The following PXK variants were observed in gnomAD, a reference collection of about 807,000 sequenced individuals.
PXK encodes PX domain containing serine/threonine kinase like, also known as PX domain-containing protein kinase-like protein.
In PXK, 35 loss-of-function variants were observed where a neutral mutation model predicts 84.7. That is an observed-to-expected ratio of 0.41 (90% CI 0.32 to 0.55). PXK has a LOEUF of 0.55. Among genes scored for constraint, PXK ranks in the 20% least tolerant of loss-of-function variants. PXK has a pLI of 0.21. For synonymous variants in PXK, 253 were observed against 260.8 expected, an observed-to-expected ratio of 0.97 and a Z score of 0.29; for missense variants, 634 against 699.7, an observed-to-expected ratio of 0.91 and a Z score of 1.06.
intron 1 of PXK, among the ~76,000 whole-genome samples, chr3:58,334,945 GTGTGTGTGTGTGTC>G (rs1172179252): frequency 7.4e-6 from 1 of 134,610 alleles, no homozygotes; most frequent in Non-Finnish European, 1.6e-5. Context: ...GTGTGTGTGT[GTGTGTGTGTGTGTC>G]TGTGTGTGTG....
intron 3 of PXK, among the ~76,000 whole-genome samples, chr3:58,374,874 C>A (rs1258290627): frequency 6.6e-6 from 1 of 151,980 alleles, no homozygotes; most frequent in Non-Finnish European, 1.5e-5. Flanking sequence ...AGTCTGAGTA[C>A]CTTTAGGAAT....
intron 17 of PXK, among the ~76,000 whole-genome samples, chr3:58,418,732 T>G (rs982399451): frequency 1.3e-5 from 2 of 152,276 alleles, no homozygotes; most frequent in African/African-American, 4.8e-5. Context: ...TAATTCTAGC[T>G]GTTCTTGCTT....
rs2098341451 is a variant in PXK, at chr3:58,370,008, A to T, written c.201+530A>T. ...AATAGTCACCTTGCAACCAAGTATT[A>T]TTGTGCCAGACTGTATTCTTACCAC... On this transcript the variant is annotated intron_variant, in intron 3 of 17. Coordinates refer to ENST00000356151, the MANE Select transcript of PXK (RefSeq NM_017771.5). This position sits in a 1 kb window ranked among gnomAD's most constrained non-coding sequence, Gnocchi z 4.2. Among the ~76,000 whole-genome samples, 1 of 152,182 alleles carries T rather than the reference A, an allele frequency of 6.6e-6. No homozygotes were observed. The highest frequency in any genetic ancestry group is 2.1e-4 in the South Asian group (1 of 4,832).
At position 58,391,783 on chromosome 3, in the gene PXK, G is replaced by A. The variant is rs933323195; in HGVS notation, c.551G>A (p.Gly184Asp). The change falls in exon 7 of 18, where the codon GGC becomes GAC. Residue 184 changes from glycine to aspartate, a missense_variant. This residue lies in a region of PXK where 353 missense variants were observed against 385.2 expected (regional missense o/e 0.92). Transcript: ENST00000356151. ...CTTCCATGTTTTCAGGCTGACCTTG[G>A]CCCAGACAAGTATTTGTCAGATAAA... Reference protein sequence around the residue: ...ERLVLSWADLGPDKYLSDKDF... With the variant: ...ERLVLSWADLDPDKYLSDKDF... The A allele has an allele frequency of 6.2e-7, 1 of 1,613,374 alleles. No homozygotes were observed. The highest frequency in any genetic ancestry group is 8.5e-7 in the Non-Finnish European group (1 of 1,179,392).
rs532647659 is a variant in PXK, at chr3:58,375,260, C to T, written c.201+5782C>T. Among the ~76,000 whole-genome samples the T allele has an allele frequency of 2.6e-5, 4 of 152,144 alleles. No homozygotes were observed. In the East Asian group the frequency reaches 7.7e-4, roughly 29 times the overall value. On this transcript the variant is annotated intron_variant, in intron 3 of 17. Coordinates refer to ENST00000356151, the MANE Select transcript of PXK (RefSeq NM_017771.5). ...TATGCGGTAGTGCAGGCAAATCTGT[C>T]GATACTGGGTAATGGTATTTTAAAA... is the stretch of plus-strand genomic sequence containing the variant.
chr3:58,365,209 G>A (rs370984033), intron 1 of PXK, among the ~76,000 whole-genome samples: 62 of 152,000 alleles, frequency 4.1e-4, no homozygotes, highest in African/African-American at 1.4e-3. Flanking sequence ...TTGATATGCT[G>A]TATTTTCTTT....
intron 4 of PXK, among the ~76,000 whole-genome samples, chr3:58,384,690 C>T (rs764374969): frequency 3.9e-5 from 6 of 152,178 alleles, no homozygotes; most frequent in Non-Finnish European, 5.9e-5. Flanking sequence ...TGGTTTATCT[C>T]CCTCATTCCC....
At chr3:58,358,390 G>A (rs2098126354) in intron 1 of PXK, among the ~76,000 whole-genome samples, 2 of 152,214 alleles carry the variant, frequency 1.3e-5, no homozygotes, top group African/African-American at 4.8e-5. Flanking sequence ...CAATGGGTAT[G>A]GGTGGTGCCT....
intron 3 of PXK, among the ~76,000 whole-genome samples, chr3:58,377,201 G>A (rs192140264): frequency 2.0e-5 from 3 of 151,760 alleles, no homozygotes; most frequent in African/African-American, 4.9e-5. Context: ...TGAGAAATTG[G>A]CAATTTAGAA....
intron 7 of PXK, among the ~76,000 whole-genome samples, chr3:58,394,738 A>C (rs11714574): frequency 6.6e-6 from 1 of 151,908 alleles, no homozygotes; most frequent in South Asian, 2.1e-4. Context: ...GGACCCCTTC[A>C]CTTGTGGAGT....
At chr3:58,415,110 A>G (rs1046715269) in intron 17 of PXK, among the ~76,000 whole-genome samples, 1 of 152,202 alleles carries the variant, frequency 6.6e-6, no homozygotes, top group Non-Finnish European at 1.5e-5. Context: ...CACTCAACAC[A>G]ATAATAATCA....
In PXK at chr3:58,385,697, C is replaced by T. The variant is rs892754997; in HGVS notation, c.388+2997C>T. ...CATTGTTTGTAGAGAGGGGGTTTCA[C>T]TATGTTGACTAGGCTGGTCTCAAAC... is the stretch of plus-strand genomic sequence containing the variant. On this transcript the variant is annotated intron_variant, in intron 4 of 17. Transcript: ENST00000356151. The surrounding 1 kb of genome is among the most constrained non-coding windows in gnomAD (Gnocchi z 5.1). 2.0e-5 allele frequency among the ~76,000 whole-genome samples: 3 copies of T among 152,182 alleles called. No individual in the cohort carries two copies. The highest frequency in any genetic ancestry group is 1.3e-4 in the Admixed American group (2 of 15,270).
chr3:58,338,563 C>T (rs2097666437), intron 1 of PXK, among the ~76,000 whole-genome samples: 1 of 151,736 alleles, frequency 6.6e-6, no homozygotes, highest in Non-Finnish European at 1.5e-5. Flanking sequence ...GTGACGGTTG[C>T]AGTGAGCCAA....
chr3:58,353,035 C>T (rs147418915), intron 1 of PXK, among the ~76,000 whole-genome samples: 25 of 151,344 alleles, frequency 1.7e-4, no homozygotes, highest in African/African-American at 6.1e-4. Context: ...CTTGCTCTGT[C>T]ACCCAGGCTG....
chr3:58,352,837 G>T (rs560753802), intron 1 of PXK, among the ~76,000 whole-genome samples: 1 of 152,262 alleles, frequency 6.6e-6, no homozygotes, highest in South Asian at 2.1e-4. Context: ...TAGGGCAGGA[G>T]ACCATCCCAC....
At position 58,412,397 on chromosome 3, in the gene PXK, A is replaced by G. The variant is rs972310834; in HGVS notation, c.1466-504A>G. ...TAAGAAAAGGGCTGTGAAATCCATA[A>G]ACTGAATAGACTGACCCTATCTAGT... On this transcript the variant is annotated intron_variant, in intron 16 of 17. Coordinates refer to ENST00000356151, the MANE Select transcript of PXK (RefSeq NM_017771.5). This position sits in a 1 kb window ranked among gnomAD's most constrained non-coding sequence, Gnocchi z 6.2. Among the ~76,000 whole-genome samples, 1 of 152,128 alleles carries G rather than the reference A, an allele frequency of 6.6e-6. No individual in the cohort carries two copies. The highest frequency in any genetic ancestry group is 1.5e-5 in the Non-Finnish European group (1 of 68,030).
Position 58,391,189 on chromosome 3 carries a change from A to C in PXK, c.509A>C (p.Asn170Thr), listed in dbSNP as rs2098628071. Residue 170 changes from asparagine to threonine, a missense_variant, in exon 6 of 18, where the codon AAT (asparagine) becomes ACT (threonine). By Grantham distance (65) the Asn-to-Thr change is moderately conservative. Coordinates refer to ENST00000356151, the MANE Select transcript of PXK (RefSeq NM_017771.5). Reference sequence around the variant, plus strand: ...AAATATTTCTTGATGAAGATTAAAAATCAGCCAAAGGAACGGCTAGTGTTA... The same window carrying C: ...AAATATTTCTTGATGAAGATTAAAACTCAGCCAAAGGAACGGCTAGTGTTA... ...RKKYFLMKIK[N>T]QPKERLVLSW... The C allele has an allele frequency of 2.5e-6, 4 of 1,613,856 alleles. No individual in the cohort carries two copies. Among genetic ancestry groups the C allele is most frequent in the Non-Finnish European group, 3.4e-6 (4 of 1,179,814 alleles).
Position 58,393,077 on chromosome 3 carries a change from G to T in PXK, c.615+1230G>T, listed in dbSNP as rs181812676. On this transcript the variant is annotated intron_variant, in intron 7 of 17. Coordinates refer to ENST00000356151, the MANE Select transcript of PXK (RefSeq NM_017771.5). ...AAAAATAAGAAAATAAGCCGAGTGTGGTGGCTCATGCCTGTAATCCCAGCA... is the reference window on the plus strand; with the variant it reads ...AAAAATAAGAAAATAAGCCGAGTGTTGTGGCTCATGCCTGTAATCCCAGCA... Among the ~76,000 whole-genome samples the T allele has an allele frequency of 3.3e-3, 504 of 152,276 alleles. 10 individuals carry two copies. The highest frequency in any genetic ancestry group is 0.025 in the Admixed American group (379 of 15,294).
intron 3 of PXK, among the ~76,000 whole-genome samples, chr3:58,381,332 A>C (rs1402990534): frequency 3.9e-5 from 6 of 152,112 alleles, no homozygotes; most frequent in Non-Finnish European, 8.8e-5. Context: ...TGTAGGGGAT[A>C]CAAAATGGGG....
Sources: allele counts gnomAD v4.1 joint callset (sites outside exome capture counted in the v4.1 genomes callset), GRCh38; gene constraint gnomAD v4.1.1; regional missense constraint gnomAD v4.1.1; non-coding constraint Gnocchi (gnomAD v3.1); transcripts MANE v1.5; gene names NCBI Gene and HGNC (gene_info 2026-07-23, HGNC 2026-07-21).